PDE1A: variants seen among roughly 807,000 people sequenced by gnomAD.
PDE1A encodes phosphodiesterase 1A, also known as dual specificity calcium/calmodulin-dependent 3',5'-cyclic nucleotide phosphodiesterase 1A.
Under a neutral mutation model 61.7 loss-of-function variants are expected in PDE1A, and 35 were observed. The observed-to-expected ratio is 0.57, with a 90% confidence interval of 0.43 to 0.75. The LOEUF (loss-of-function observed/expected upper bound fraction) is 0.75, where lower values mean the gene tolerates loss of function less well. Ranked by LOEUF, PDE1A falls within the 30% of genes least tolerant of loss-of-function variation. PDE1A has a pLI of 0.00. For missense variants in PDE1A, 597 were observed against 630.6 expected (o/e 0.95, Z 0.57); for synonymous variants, 232 against 213.2 (o/e 1.09, Z -0.77).
chr2:182,349,909 A>C (rs1698761883), intron 1 of PDE1A, among the ~76,000 whole-genome samples: 1 of 152,182 alleles, frequency 6.6e-6, no homozygotes, highest in Admixed American at 6.5e-5. Context: ...TATTTTTTTT[A>C]ACTTTTTATT....
the PDE1A span, among the ~76,000 whole-genome samples, chr2:182,689,316 A>G: frequency 3.3e-5 from 5 of 152,352 alleles, no homozygotes; most frequent in African/African-American, 2.4e-5. Context: ...AACAGAAATT[A>G]TAACAAACTG....
At chr2:182,510,014 T>G (rs1689682686) in intron 2 of PDE1A, among the ~76,000 whole-genome samples, 1 of 152,176 alleles carries the variant, frequency 6.6e-6, no homozygotes, top group South Asian at 2.1e-4. Context: ...ACTCTGGTGC[T>G]TAGAGATTTT....
the PDE1A span, among the ~76,000 whole-genome samples, chr2:182,683,059 A>G: frequency 6.6e-6 from 1 of 151,580 alleles, no homozygotes; most frequent in African/African-American, 2.4e-5. Flanking sequence ...GAATATATGA[A>G]TTGCATTGGA....
At chr2:182,297,527 G>A (rs1694966891) in intron 1 of PDE1A, among the ~76,000 whole-genome samples, 1 of 152,212 alleles carries the variant, frequency 6.6e-6, no homozygotes, top group Admixed American at 6.5e-5. Flanking sequence ...GAAAGTAACA[G>A]TCTAACGTAG....
At chr2:182,359,978 G>T (rs1372684861) in intron 1 of PDE1A, among the ~76,000 whole-genome samples, 1 of 151,990 alleles carries the variant, frequency 6.6e-6, no homozygotes, top group Non-Finnish European at 1.5e-5. Flanking sequence ...CCTCAAAATG[G>T]AACCCAAATA....
intron 1 of PDE1A, among the ~76,000 whole-genome samples, chr2:182,361,917 A>G (rs1699535142): frequency 6.6e-6 from 1 of 152,040 alleles, no homozygotes; most frequent in Non-Finnish European, 1.5e-5. Flanking sequence ...GATTGAGGAC[A>G]TAGCAGTGGC....
chr2:182,280,701 C>G (rs975563757), intron 1 of PDE1A, among the ~76,000 whole-genome samples: 2 of 151,778 alleles, frequency 1.3e-5, no homozygotes, highest in African/African-American at 2.4e-5. Context: ...TCTCTAATGC[C>G]TTCTCTTTTT....
intron 1 of PDE1A, among the ~76,000 whole-genome samples, chr2:182,299,148 G>A (rs1353718439): frequency 2.6e-5 from 4 of 151,842 alleles, no homozygotes; most frequent in East Asian, 1.9e-4. Context: ...ATATTTTAAG[G>A]TGTGTTGGAT....
the PDE1A span, among the ~76,000 whole-genome samples, chr2:182,535,667 G>C: frequency 1.3e-5 from 2 of 151,796 alleles, no homozygotes; most frequent in South Asian, 4.2e-4. Context: ...ATTTGACGGG[G>C]GTATATAATT....
rs569394457 is a variant in PDE1A, at chr2:182,255,267, G to A, written c.167+9034C>T. On this transcript the variant is annotated intron_variant, in intron 2 of 13. Coordinates refer to ENST00000351439, the Ensembl canonical transcript of PDE1A. ...GTTAATCATTTGTTTGTTTAAACTG[G>A]CTTGGTTGGGTTTCCTATCACTTAC... 1.0e-3 allele frequency among the ~76,000 whole-genome samples: 158 copies of A among 152,286 alleles called. 1 individual carries two copies. The highest frequency in any genetic ancestry group is 3.7e-3 in the African/African-American group (153 of 41,558).
intron 13 of PDE1A, among the ~76,000 whole-genome samples, chr2:182,172,877 G>A (rs1349853131): frequency 2.0e-5 from 3 of 151,994 alleles, no homozygotes; most frequent in South Asian, 4.1e-4. Context: ...CGAGTTGTGT[G>A]AAGAGTAACC....
the PDE1A span, among the ~76,000 whole-genome samples, chr2:182,562,092 T>C: frequency 6.6e-6 from 1 of 150,956 alleles, no homozygotes; most frequent in Non-Finnish European, 1.5e-5. Context: ...TCCAACACTG[T>C]GTTGAATAGG....
At chr2:182,169,194 G>A (rs1691893692) in intron 13 of PDE1A, among the ~76,000 whole-genome samples, 1 of 151,826 alleles carries the variant, frequency 6.6e-6, no homozygotes, top group African/African-American at 2.4e-5. Flanking sequence ...TTGAAATTAG[G>A]TTTCTTCTCT....
At chr2:182,170,015 C>G (rs1273419155) in intron 13 of PDE1A, among the ~76,000 whole-genome samples, 1 of 151,258 alleles carries the variant, frequency 6.6e-6, no homozygotes, top group Non-Finnish European at 1.5e-5. Flanking sequence ...CTTAAAATAT[C>G]CTTAAGTTAT....
At chr2:182,570,529 C>T in the PDE1A span, among the ~76,000 whole-genome samples, 1 of 152,126 alleles carries the variant, frequency 6.6e-6, no homozygotes, top group Admixed American at 6.5e-5. Context: ...GTAGACAAAG[C>T]CCTCAGTAGC....
intron 1 of PDE1A, among the ~76,000 whole-genome samples, chr2:182,284,137 A>G (rs1161808267): frequency 6.6e-6 from 1 of 152,134 alleles, no homozygotes; most frequent in African/African-American, 2.4e-5. Flanking sequence ...GAAATGGCAT[A>G]TATGAAAGAA....
At chr2:182,531,543 T>C in the PDE1A span, among the ~76,000 whole-genome samples, 1 of 152,146 alleles carries the variant, frequency 6.6e-6, no homozygotes, top group East Asian at 1.9e-4. Context: ...AAATCCCAAA[T>C]GTTTATGCAC....
At chr2:182,694,991 A>G in the PDE1A span, among the ~76,000 whole-genome samples, 1 of 152,144 alleles carries the variant, frequency 6.6e-6, no homozygotes, top group East Asian at 1.9e-4. Flanking sequence ...AATCTAAAAA[A>G]TGGTTACCAT....
chr2:182,594,743 G>A, the PDE1A span, among the ~76,000 whole-genome samples: 2 of 152,162 alleles, frequency 1.3e-5, no homozygotes, highest in East Asian at 3.8e-4. Flanking sequence ...TTTTTTAAAA[G>A]TTGTTTTTAA....
Sources: gnomAD v4.1 joint callset for allele counts (sites outside exome capture counted in the v4.1 genomes callset) on GRCh38, gnomAD v4.1.1 for gene constraint, MANE v1.5 for transcripts, NCBI Gene and HGNC (gene_info 2026-07-23, HGNC 2026-07-21) for gene names.